Variants in ZNF804A observed in about 807,000 individuals in gnomAD.
The protein encoded by ZNF804A is zinc finger protein 804A.
A neutral mutation model predicts 16.5 loss-of-function variants in ZNF804A; 2 were observed. The observed-to-expected ratio is 0.12, with a 90% confidence interval of 0.05 to 0.38. The LOEUF (loss-of-function observed/expected upper bound fraction) is 0.38, where lower values mean the gene tolerates loss of function less well. Among genes scored for constraint, ZNF804A ranks in the 10% least tolerant of loss-of-function variants. The probability of loss-of-function intolerance (pLI) is 0.99; values close to 1 mark genes in which losing one functional copy is unlikely to be tolerated. For synonymous variants in ZNF804A, 534 were observed against 489.6 expected, an observed-to-expected ratio of 1.09 and a Z score of -1.20; for missense variants, 1,473 against 1,390.7, an observed-to-expected ratio of 1.06 and a Z score of -0.94.
intron 1 of ZNF804A, among the ~76,000 whole-genome samples, chr2:184,844,056 T>C (rs1385440277): frequency 6.6e-6 from 1 of 152,092 alleles, no homozygotes; most frequent in Non-Finnish European, 1.5e-5. Flanking sequence ...TTAATACTCT[T>C]TAGTGGTTGA....
intron 1 of ZNF804A, among the ~76,000 whole-genome samples, chr2:184,761,761 A>G (rs527552325): frequency 1.3e-5 from 2 of 152,268 alleles, no homozygotes; most frequent in East Asian, 3.9e-4. Flanking sequence ...TTGTGCACAG[A>G]ATGTAGATGA....
At chr2:184,931,661 G>A (rs1176271938) in intron 2 of ZNF804A, among the ~76,000 whole-genome samples, 5 of 152,150 alleles carry the variant, frequency 3.3e-5, no homozygotes, top group South Asian at 2.1e-4. Context: ...GACATGCCTC[G>A]GAGATATTTT....
chr2:184,907,787 G>C lies in ZNF804A; in HGVS notation c.256-25816G>C, dbSNP rs1482202348. On this transcript the variant is annotated intron_variant, in intron 2 of 3. Transcript: ENST00000302277. The stretch of plus-strand genomic sequence containing the variant: ...AAACAATAATAATAGCAATAATTAT[G>C]CCATATAATTGCACATTTTGTAGTT... Among the ~76,000 whole-genome samples, 6 of 152,144 alleles carry C rather than the reference G, an allele frequency of 3.9e-5. No individual in the cohort carries two copies. In the East Asian group the frequency reaches 1.2e-3, roughly 29 times the overall value.
At chr2:184,747,400 A>G (rs1037371193) in intron 1 of ZNF804A, among the ~76,000 whole-genome samples, 12 of 150,498 alleles carry the variant, frequency 8.0e-5, no homozygotes, top group African/African-American at 2.9e-4. Context: ...AAAATAGAAT[A>G]AATGTATTTT....
chr2:184,621,069 A>C (rs1014372038), intron 1 of ZNF804A, among the ~76,000 whole-genome samples: 2 of 151,766 alleles, frequency 1.3e-5, no homozygotes, highest in African/African-American at 4.8e-5. Flanking sequence ...CAAGTCTGTC[A>C]GTTTTGGAAT....
intron 1 of ZNF804A, among the ~76,000 whole-genome samples, chr2:184,604,192 C>T (rs886665410): frequency 6.3e-5 from 3 of 47,604 alleles, no homozygotes; most frequent in African/African-American, 2.0e-4. Flanking sequence ...TTTTTTGAGA[C>T]GGAGTCTGGC....
chr2:184,894,524 C>A (rs1259291618), intron 2 of ZNF804A, among the ~76,000 whole-genome samples: 1 of 151,874 alleles, frequency 6.6e-6, no homozygotes, highest in Non-Finnish European at 1.5e-5. Context: ...TACTACCCTT[C>A]CTTTTACTTT....
At chr2:184,837,710 T>A (rs1179971594) in intron 1 of ZNF804A, among the ~76,000 whole-genome samples, 2 of 152,146 alleles carry the variant, frequency 1.3e-5, no homozygotes, top group African/African-American at 4.8e-5. Flanking sequence ...TAGTATTTAC[T>A]TATAGATGCT....
In ZNF804A at chr2:184,625,195, T is replaced by C. The variant is rs532505544; in HGVS notation, c.111+26125T>C. ...ATGTGGGTTTTTCCCCTCTAGTAGA[T>C]ATCAATTTCAGTAATGCAGCATGTG... On this transcript the variant is annotated intron_variant, in intron 1 of 3. Transcript: ENST00000302277. Among the ~76,000 whole-genome samples the C allele has an allele frequency of 5.9e-5, 9 of 152,252 alleles. No individual in the cohort carries two copies. The South Asian group carries it at 1.9e-3, about 32-fold the overall frequency.
At chr2:184,853,824 CA>C (rs35131045) in intron 1 of ZNF804A, among the ~76,000 whole-genome samples, 48,040 of 148,300 alleles carry the variant, frequency 0.32, 10,454 homozygotes, top group African/African-American at 0.62. Flanking sequence ...ATTTTTCCAC[CA>C]AAAAAAATTG....
chr2:184,870,160 C>T (rs1224902680), intron 2 of ZNF804A, among the ~76,000 whole-genome samples: 1 of 151,864 alleles, frequency 6.6e-6, no homozygotes, highest in Non-Finnish European at 1.5e-5. Flanking sequence ...TGTAAAAAGG[C>T]TAGAATCAAA....
intron 1 of ZNF804A, among the ~76,000 whole-genome samples, chr2:184,638,914 T>G (rs749310849): frequency 2.3e-4 from 35 of 152,126 alleles, no homozygotes; most frequent in Non-Finnish European, 4.6e-4. Context: ...GGGAAGCAGA[T>G]ATAATCATAG....
At chr2:184,890,376 C>T (rs1249733177) in intron 2 of ZNF804A, among the ~76,000 whole-genome samples, 1 of 152,104 alleles carries the variant, frequency 6.6e-6, no homozygotes, top group East Asian at 1.9e-4. Context: ...TTAAGGAAAG[C>T]TATCAACAAT....
At chr2:184,789,570 G>A (rs1694501825) in intron 1 of ZNF804A, among the ~76,000 whole-genome samples, 1 of 151,860 alleles carries the variant, frequency 6.6e-6, no homozygotes, top group African/African-American at 2.4e-5. Context: ...TCGGGAGGTT[G>A]TATGTTTCCA....
intron 1 of ZNF804A, among the ~76,000 whole-genome samples, chr2:184,694,634 A>G (rs2105727523): frequency 6.6e-6 from 1 of 152,308 alleles, no homozygotes; most frequent in African/African-American, 2.4e-5. Flanking sequence ...CAAGAACATA[A>G]AATTTATTCA....
At chr2:184,904,030 A>C (rs1685231007) in intron 2 of ZNF804A, among the ~76,000 whole-genome samples, 1 of 152,098 alleles carries the variant, frequency 6.6e-6, no homozygotes, top group Non-Finnish European at 1.5e-5. Flanking sequence ...AACTTGCAGG[A>C]TATAAAATCA....
rs531386221 is a variant in ZNF804A, at chr2:184,750,090, C to T, written c.112-116279C>T. On this transcript the variant is annotated intron_variant, in intron 1 of 3. Coordinates refer to ENST00000302277, the MANE Select transcript of ZNF804A (RefSeq NM_194250.2). ...ATCGAGACTGTATATATGTGTTGTTCTTTCTTTGTACTAATTTTTTATGAT... is the reference window on the plus strand; with the variant it reads ...ATCGAGACTGTATATATGTGTTGTTTTTTCTTTGTACTAATTTTTTATGAT... Among the ~76,000 whole-genome samples, 3 of 151,218 alleles carry T rather than the reference C, an allele frequency of 2.0e-5. No homozygotes were observed. In the South Asian group the frequency reaches 6.2e-4, roughly 31 times the overall value.
intron 2 of ZNF804A, among the ~76,000 whole-genome samples, chr2:184,927,078 G>A (rs1423635121): frequency 6.6e-6 from 1 of 152,174 alleles, no homozygotes; most frequent in Non-Finnish European, 1.5e-5. Context: ...ATCTGTCCAT[G>A]TCTGGTCATC....
intron 1 of ZNF804A, among the ~76,000 whole-genome samples, chr2:184,684,397 A>G (rs1692595657): frequency 6.6e-6 from 1 of 152,194 alleles, no homozygotes; most frequent in Non-Finnish European, 1.5e-5. Flanking sequence ...GAAATTTGAA[A>G]TTATAAAACT....
Sources: gnomAD v4.1 joint callset for allele counts (sites outside exome capture counted in the v4.1 genomes callset) on GRCh38, gnomAD v4.1.1 for gene constraint, MANE v1.5 for transcripts, NCBI Gene and HGNC (gene_info 2026-07-23, HGNC 2026-07-21) for gene names.